NACC2: variants seen among roughly 807,000 people sequenced by gnomAD.
The protein encoded by NACC2 is NACC family member 2, also known as nucleus accumbens-associated protein 2.
In NACC2, 8 loss-of-function variants were observed where a neutral mutation model predicts 25.1. The observed-to-expected ratio is 0.32, with a 90% CI of 0.19 to 0.57. The LOEUF (loss-of-function observed/expected upper bound fraction) is 0.57, where lower values mean the gene tolerates loss of function less well. Ranked by LOEUF, NACC2 falls within the 20% of genes least tolerant of loss-of-function variation. NACC2 has a pLI of 0.89. For synonymous variants in NACC2, 435 were observed against 294.7 expected (o/e 1.48, Z -4.88); for missense variants, 644 against 650.2 (o/e 0.99, Z 0.10).
intron 1 of NACC2, among the ~76,000 whole-genome samples, chr9:136,064,312 T>G (rs549920092): frequency 1.3e-5 from 2 of 152,204 alleles, no homozygotes; most frequent in African/African-American, 4.8e-5. Context: ...AAGTAAATCC[T>G]AATCCTTAAA....
chr9:136,049,431 G>A (rs1183040669), intron 2 of NACC2, among the ~76,000 whole-genome samples: 3 of 152,174 alleles, frequency 2.0e-5, no homozygotes. Context: ...CTACAGGCTG[G>A]CAGAGTCTCC....
chr9:136,011,840 G>A lies in NACC2; in HGVS notation c.1440C>T (p.Asp480=), dbSNP rs1840115340. The A allele has an allele frequency of 1.3e-6, 2 of 1,565,978 alleles. No individual in the cohort carries two copies. Among genetic ancestry groups the A allele is most frequent in the Admixed American group, 1.8e-5 (1 of 54,242 alleles). ...MGSAAASVPL[D]PEFPPAAAQV... ...GTGCCGCGGCAGGCGGGAACTCGGG[G>A]TCGAGGGGCACGCTGGCGGCGGCGG... Residue 480 remains aspartate (D), a synonymous_variant, in exon 6 of 6, where the codon GAC becomes GAT. Coordinates refer to ENST00000277554, the MANE Select transcript of NACC2 (RefSeq NM_144653.5).
At chr9:136,028,353 T>G (rs1431339154) in intron 2 of NACC2, among the ~76,000 whole-genome samples, 2 of 151,586 alleles carry the variant, frequency 1.3e-5, no homozygotes, top group African/African-American at 4.8e-5. Context: ...TTTCTGCCAC[T>G]TGTCCTTCTT....
chr9:136,030,081 G>C (rs1037067906), intron 2 of NACC2, among the ~76,000 whole-genome samples: 4 of 152,144 alleles, frequency 2.6e-5, no homozygotes, highest in Non-Finnish European at 5.9e-5. Flanking sequence ...CACCATGATA[G>C]CCAGGCTGGT....
At chr9:136,075,967 T>G (rs1410582413) in intron 1 of NACC2, among the ~76,000 whole-genome samples, 1 of 152,206 alleles carries the variant, frequency 6.6e-6, no homozygotes, top group Non-Finnish European at 1.5e-5. Context: ...CCCACTCCTC[T>G]GCTGCATCTG....
intron 1 of NACC2, among the ~76,000 whole-genome samples, chr9:136,080,334 C>T (rs1334406470): frequency 6.6e-6 from 1 of 152,162 alleles, no homozygotes. Context: ...CCTCTCAGGG[C>T]ATCCAAAACC....
intron 1 of NACC2, among the ~76,000 whole-genome samples, chr9:136,070,365 G>A (rs774393050): frequency 5.9e-5 from 9 of 151,746 alleles, no homozygotes; most frequent in Non-Finnish European, 1.2e-4. Context: ...AAAATTAGCC[G>A]GGCGTGGTGG....
chr9:136,065,958 C>T (rs2131174332), intron 1 of NACC2, among the ~76,000 whole-genome samples: 1 of 152,190 alleles, frequency 6.6e-6, no homozygotes, highest in African/African-American at 2.4e-5. Context: ...CTTTGGGAGG[C>T]CAAGGCAGGT....
intron 1 of NACC2, among the ~76,000 whole-genome samples, chr9:136,075,012 C>A (rs1179628666): frequency 6.6e-6 from 1 of 152,176 alleles, no homozygotes; most frequent in Non-Finnish European, 1.5e-5. Flanking sequence ...CGGATCCTCA[C>A]GAAACAGTGA....
intron 2 of NACC2, among the ~76,000 whole-genome samples, chr9:136,035,646 T>C (rs1426905323): frequency 6.6e-6 from 1 of 152,122 alleles, no homozygotes; most frequent in African/African-American, 2.4e-5. Flanking sequence ...GGATGATGGA[T>C]TGAGATAACA....
chr9:136,092,969 G>A (rs1362054730), intron 1 of NACC2, among the ~76,000 whole-genome samples: 3 of 152,208 alleles, frequency 2.0e-5, no homozygotes, highest in Non-Finnish European at 2.9e-5. Context: ...GAGGTGGCTA[G>A]AACAGGGCTG....
intron 2 of NACC2, among the ~76,000 whole-genome samples, chr9:136,040,388 A>G (rs1327089691): frequency 6.6e-6 from 1 of 152,158 alleles, no homozygotes; most frequent in Non-Finnish European, 1.5e-5. Flanking sequence ...GAAAATAAAC[A>G]ATTGGAAAAT....
chr9:136,072,171 G>A (rs1232163975), intron 1 of NACC2, among the ~76,000 whole-genome samples: 1 of 152,096 alleles, frequency 6.6e-6, no homozygotes, highest in African/African-American at 2.4e-5. Context: ...CCGGGAGGCG[G>A]AGGTTGCAGT....
chr9:136,048,814 C>T (rs1311348004), intron 2 of NACC2, among the ~76,000 whole-genome samples: 2 of 152,204 alleles, frequency 1.3e-5, no homozygotes, highest in Non-Finnish European at 2.9e-5. Flanking sequence ...GGCGTCCCAT[C>T]AGGGCACAGG....
At position 136,020,763 on chromosome 9, in the gene NACC2, C is replaced by T. The variant is rs1312106252; in HGVS notation, c.887-4334G>A. On this transcript the variant is annotated intron_variant, in intron 2 of 5. Coordinates refer to ENST00000277554, the MANE Select transcript of NACC2 (RefSeq NM_144653.5). The surrounding 1 kb of genome is among the most constrained non-coding windows in gnomAD (Gnocchi z 4.7). Reference sequence around the variant, plus strand: ...GGGAAGTGGACAGACAGGTCAATGGCACAGAATAGGAGACCCACAGACAGA... The same window carrying T: ...GGGAAGTGGACAGACAGGTCAATGGTACAGAATAGGAGACCCACAGACAGA... 1.3e-5 allele frequency among the ~76,000 whole-genome samples: 2 copies of T among 152,124 alleles called. No homozygotes were observed. The highest frequency in any genetic ancestry group is 2.9e-5 in the Non-Finnish European group (2 of 68,024).
chr9:136,016,463 A>G (rs1840205474), intron 2 of NACC2, 34 bp from the exon 3 acceptor site: 1 of 1,609,386 alleles, frequency 6.2e-7, no homozygotes. Flanking sequence ...TCAGATGGGC[A>G]TCTGGGGGGC....
At chr9:136,080,974 G>A (rs1276445083) in intron 1 of NACC2, among the ~76,000 whole-genome samples, 2 of 152,166 alleles carry the variant, frequency 1.3e-5, no homozygotes, top group Admixed American at 6.5e-5. Context: ...AGCCCCTCCC[G>A]CTGTCTCCCA....
At chr9:136,026,861 A>G (rs1204977793) in intron 2 of NACC2, among the ~76,000 whole-genome samples, 1 of 152,234 alleles carries the variant, frequency 6.6e-6, no homozygotes, top group Non-Finnish European at 1.5e-5. Context: ...GCAGAGACCA[A>G]TGGACAAGAC....
rs188325023 is a variant in NACC2, at chr9:136,074,006, T to A, written c.-60+21183A>T. Among the ~76,000 whole-genome samples, 1,367 of 152,154 alleles carry A rather than the reference T, an allele frequency of 9.0e-3. 10 individuals are homozygous for A. The highest frequency in any genetic ancestry group is 0.027 in the Middle Eastern group (8 of 294). Reference sequence around the variant, plus strand: ...TCCGTCATGTCCTTGACTATTTTTTTAAAAAAATTAAGATCTTGGCCGGGC... The same window carrying A: ...TCCGTCATGTCCTTGACTATTTTTTAAAAAAAATTAAGATCTTGGCCGGGC... On this transcript the variant is annotated intron_variant, in intron 1 of 5. Coordinates refer to ENST00000277554, the MANE Select transcript of NACC2 (RefSeq NM_144653.5).
Sources: gnomAD v4.1 joint callset for allele counts (sites outside exome capture counted in the v4.1 genomes callset) on GRCh38, gnomAD v4.1.1 for gene constraint, Gnocchi (gnomAD v3.1) non-coding constraint, MANE v1.5 for transcripts, NCBI Gene and HGNC (gene_info 2026-07-23, HGNC 2026-07-21) for gene names.